Variants in TPO observed in about 807,000 individuals in gnomAD.
TPO encodes thyroid microsomal antigen.
A neutral mutation model predicts 96.9 loss-of-function variants in TPO; 78 were observed. That is an observed-to-expected ratio of 0.81 (90% CI 0.67 to 0.97). The LOEUF (loss-of-function observed/expected upper bound fraction) is 0.97, where lower values mean the gene tolerates loss of function less well. Ranked by LOEUF, TPO falls within the 50% of genes least tolerant of loss-of-function variation. TPO has a pLI of 0.00. For missense variants in TPO, 1,252 were observed against 1,274.8 expected (o/e 0.98, Z 0.27); for synonymous variants, 547 against 538.0 (o/e 1.02, Z -0.23).
chr2:1,454,127 A>T lies in TPO; in HGVS notation c.612+304A>T, dbSNP rs756141193. Among the ~76,000 whole-genome samples the T allele has an allele frequency of 5.9e-5, 9 of 152,244 alleles. 1 individual carries two copies. Among genetic ancestry groups the T allele is most frequent in the African/African-American group, 2.2e-4 (9 of 41,540 alleles). Reference sequence around the variant, plus strand: ...TTTCAGATAAATTCCTTTATCCATCATGTGGGCTAGGTACATCCCAAGATG... The same window carrying T: ...TTTCAGATAAATTCCTTTATCCATCTTGTGGGCTAGGTACATCCCAAGATG... On this transcript the variant is annotated intron_variant, in intron 6 of 16. Coordinates refer to ENST00000329066, the MANE Select transcript of TPO (RefSeq NM_001206744.2).
At chr2:1,388,425 C>A (rs1049316200) in intron 1 of TPO, among the ~76,000 whole-genome samples, 3 of 152,174 alleles carry the variant, frequency 2.0e-5, no homozygotes, top group East Asian at 1.9e-4. Context: ...GCCCCTCCCC[C>A]AGCCTCGCTG....
chr2:1,415,734 A>C (rs1401297279), intron 2 of TPO, among the ~76,000 whole-genome samples: 2 of 152,210 alleles, frequency 1.3e-5, no homozygotes, highest in Non-Finnish European at 2.9e-5. Flanking sequence ...CTCTGCCCTC[A>C]CCAGCCTTTC....
chr2:1,438,843 C>T (rs542186197), intron 5 of TPO: 53 of 716,946 alleles, frequency 7.4e-5, no homozygotes, highest in Middle Eastern at 6.9e-4. Context: ...CCGACCATTC[C>T]GAAACTGCCA....
intron 1 of TPO, among the ~76,000 whole-genome samples, chr2:1,376,033 T>G (rs1661717426): frequency 6.6e-6 from 1 of 152,226 alleles, no homozygotes; most frequent in South Asian, 2.1e-4. Flanking sequence ...CTGCGTTTGC[T>G]GGACATGGGA....
At chr2:1,444,633 A>G (rs1666580979) in intron 5 of TPO, among the ~76,000 whole-genome samples, 1 of 17,358 alleles carries the variant, frequency 5.8e-5, no homozygotes, top group Non-Finnish European at 1.5e-4. Flanking sequence ...GTTGGAAGGG[A>G]ATGGGGCAGG....
chr2:1,449,917 AT>A (rs1667166960), intron 5 of TPO, among the ~76,000 whole-genome samples: 1 of 152,236 alleles, frequency 6.6e-6, no homozygotes, highest in South Asian at 2.1e-4. Flanking sequence ...ACTGGTCTTA[AT>A]TGCCTTCAAT....
At chr2:1,416,827 C>T (rs1185752639) in intron 2 of TPO, among the ~76,000 whole-genome samples, 1 of 152,216 alleles carries the variant, frequency 6.6e-6, no homozygotes, top group Non-Finnish European at 1.5e-5. Flanking sequence ...CCTGTGCTCA[C>T]AGACATGTGA....
At chr2:1,437,449 C>A (rs536943638) in intron 5 of TPO, among the ~76,000 whole-genome samples, 2 of 36,856 alleles carry the variant, frequency 5.4e-5, no homozygotes, top group Non-Finnish European at 1.2e-4. Flanking sequence ...AGGAAGATGC[C>A]CCCCCCGAGA....
chr2:1,477,448 C>G lies in TPO; in HGVS notation c.1182C>G (p.Asp394Glu). 1 of 1,524,214 alleles carries G rather than the reference C, an allele frequency of 6.6e-7. No individual in the cohort carries two copies. Among genetic ancestry groups the G allele is most frequent in the Non-Finnish European group, 8.8e-7 (1 of 1,140,610 alleles). The allele number at this position is 1,524,214 out of a possible 1,614,324, so 94.4% of individuals were successfully genotyped here. The change falls in exon 8 of 17, where the codon GAC (aspartate) becomes GAG (glutamate). Residue 394 changes from aspartate (D) to glutamate (E), a missense_variant. Coordinates refer to ENST00000329066, the MANE Select transcript of TPO (RefSeq NM_001206744.2). ...GCGGGCCCTGCTTCCTGGCCGGAGA[C>G]GGCCGCGCCAGCGAGGTCCCCTCCC... ...ETRGPCFLAG[D>E]GRASEVPSLT...
At chr2:1,442,255 C>T (rs1352580533) in intron 5 of TPO, among the ~76,000 whole-genome samples, 3 of 152,138 alleles carry the variant, frequency 2.0e-5, no homozygotes, top group African/African-American at 7.2e-5. Flanking sequence ...GAAATGAAGC[C>T]TCTCAGCTAC....
intron 10 of TPO, 143 bp from the exon 11 acceptor site, chr2:1,493,659 G>A (rs1672029193): frequency 5.2e-6 from 5 of 958,066 alleles, no homozygotes; most frequent in African/African-American, 5.1e-5. Context: ...ATCCTAGCCT[G>A]GCAAACTGCC....
At chr2:1,380,237 A>G (rs943337445) in intron 1 of TPO, among the ~76,000 whole-genome samples, 2 of 151,948 alleles carry the variant, frequency 1.3e-5, no homozygotes, top group African/African-American at 4.8e-5. Context: ...TACTAAAAAT[A>G]CAAAAAATTA....
intron 8 of TPO, among the ~76,000 whole-genome samples, chr2:1,480,849 A>ACGTCCCTGCTGC (rs1491437363): frequency 2.2e-4 from 34 of 151,282 alleles, no homozygotes; most frequent in Admixed American, 2.6e-4. Flanking sequence ...TGTCCTCACC[A>ACGTCCCTGCTGC]TACCCACTCT....
At chr2:1,401,493 C>T (rs1662171470) in intron 1 of TPO, among the ~76,000 whole-genome samples, 1 of 152,144 alleles carries the variant, frequency 6.6e-6, no homozygotes, top group African/African-American at 2.4e-5. Context: ...CTGGAGCCTT[C>T]CCAGCCTAGT....
intron 15 of TPO, among the ~76,000 whole-genome samples, chr2:1,535,727 GTGTGCAACCTCCCCAAATCCCCCCACTC>G (rs1296929738): frequency 1.3e-4 from 9 of 71,590 alleles, no homozygotes; most frequent in Admixed American, 2.0e-4. Flanking sequence ...TCCACCCAGT[GTGTGCAACCTCCCCAAATCCCCCCACTC>G]TGTGCAACCT....
intron 1 of TPO, among the ~76,000 whole-genome samples, chr2:1,379,885 G>A (rs1661781225): frequency 6.6e-6 from 1 of 152,144 alleles, no homozygotes; most frequent in Admixed American, 6.5e-5. Flanking sequence ...GCAGGCATGT[G>A]TCCTGTAGAC....
chr2:1,485,404 C>G (rs1406324985), intron 9 of TPO, among the ~76,000 whole-genome samples: 1 of 152,106 alleles, frequency 6.6e-6, no homozygotes, highest in Non-Finnish European at 1.5e-5. Flanking sequence ...GATTTATAGT[C>G]CCTTGGGTAT....
chr2:1,379,982 T>G (rs563042576), intron 1 of TPO, among the ~76,000 whole-genome samples: 12 of 152,322 alleles, frequency 7.9e-5, no homozygotes, highest in African/African-American at 2.6e-4. Flanking sequence ...GCATTAAATG[T>G]CTCATTACTA....
intron 15 of TPO, among the ~76,000 whole-genome samples, chr2:1,530,072 GTGCAACCTCCTCAAATCCCCCCACTGTT>G (rs1677722266): frequency 7.3e-6 from 1 of 136,092 alleles, no homozygotes; most frequent in South Asian, 2.3e-4. Context: ...CCCACACTCT[GTGCAACCTCCTCAAATCCCCCCACTGTT>G]TGCAACCTCC....
Sources: allele counts gnomAD v4.1 joint callset (sites outside exome capture counted in the v4.1 genomes callset), GRCh38; gene constraint gnomAD v4.1.1; transcripts MANE v1.5; gene names NCBI Gene and HGNC (gene_info 2026-07-23, HGNC 2026-07-21).